MYO6: variants seen among roughly 807,000 people sequenced by gnomAD.
MYO6 encodes myosin VI.
Under a neutral mutation model 178.7 loss-of-function variants are expected in MYO6, and 74 were observed. The observed-to-expected ratio is 0.41, with a 90% CI of 0.34 to 0.50. The LOEUF (loss-of-function observed/expected upper bound fraction) is 0.50. Among genes scored for constraint, MYO6 ranks in the 20% least tolerant of loss-of-function variants. The pLI, the probability that MYO6 is intolerant of heterozygous loss-of-function variation, is 0.09. For synonymous variants in MYO6, 477 were observed against 504.6 expected, an observed-to-expected ratio of 0.95 and a Z score of 0.73; for missense variants, 1,330 against 1,547.4, an observed-to-expected ratio of 0.86 and a Z score of 2.36.
chr6:75,863,711 C>A (rs565809139), intron 16 of MYO6, among the ~76,000 whole-genome samples: 11 of 151,998 alleles, frequency 7.2e-5, no homozygotes, highest in Admixed American at 3.9e-4. Flanking sequence ...GTCTCAATCT[C>A]TTGACCTCAT....
chr6:75,915,281 A>G lies in MYO6; in HGVS notation c.*269A>G, dbSNP rs1359270634. ...ACATGGGCATATTCTGATGTTTCTC[A>G]TCCTTTGCCAGAAGACTACCTTACA... On this transcript the variant is annotated 3_prime_UTR_variant, in exon 35 of 35. Transcript: ENST00000369977. 2.1e-6 allele frequency: 1 copy of G among 481,772 alleles called. No individual in the cohort carries two copies. The highest frequency in any genetic ancestry group is 3.8e-6 in the Non-Finnish European group (1 of 263,996). The allele number at this position is 481,772 out of a possible 1,614,324, so 29.8% of individuals were successfully genotyped here.
intron 29 of MYO6, 65 bp downstream of exon 29, chr6:75,895,325 A>C: frequency 1.6e-6 from 2 of 1,214,982 alleles, no homozygotes; most frequent in Admixed American, 1.8e-5. Flanking sequence ...TAGTTTTCTC[A>C]TTGGAGTAAA....
chr6:75,857,526 A>G (rs532621223), intron 13 of MYO6, among the ~76,000 whole-genome samples: 18 of 152,214 alleles, frequency 1.2e-4, no homozygotes, highest in Non-Finnish European at 2.4e-4. Flanking sequence ...TATACTCTAA[A>G]AGGAATACAA....
At chr6:75,847,943 A>C (rs12203091) in intron 10 of MYO6, among the ~76,000 whole-genome samples, 19,757 of 152,120 alleles carry the variant, frequency 0.13, 1,353 homozygotes, top group Non-Finnish European at 0.15. Flanking sequence ...TGGAATAATT[A>C]AATGAATATA....
At chr6:75,816,432 T>C (rs1039811150) in intron 1 of MYO6, among the ~76,000 whole-genome samples, 1 of 152,250 alleles carries the variant, frequency 6.6e-6, no homozygotes, top group African/African-American at 2.4e-5. Flanking sequence ...CATAGCTCAC[T>C]GTAGCCTCAA....
chr6:75,855,030 T>C, intron 11 of MYO6, 109 bp from the exon 12 acceptor site: 1 of 972,474 alleles, frequency 1.0e-6, no homozygotes, highest in East Asian at 2.6e-5. Flanking sequence ...CAAATAAGCC[T>C]TGCCTATTAT....
At chr6:75,864,069 TAAC>T (rs553965864) in intron 16 of MYO6, among the ~76,000 whole-genome samples, 13 of 151,912 alleles carry the variant, frequency 8.6e-5, no homozygotes, top group African/African-American at 2.2e-4. Flanking sequence ...ACAACATCAT[TAAC>T]AACAACAACA....
chr6:75,852,248 A>G (rs1333253923), intron 11 of MYO6, among the ~76,000 whole-genome samples: 1 of 152,194 alleles, frequency 6.6e-6, no homozygotes, highest in Non-Finnish European at 1.5e-5. Context: ...GGCAATATGT[A>G]TATGTATAGA....
intron 1 of MYO6, among the ~76,000 whole-genome samples, chr6:75,799,219 A>G (rs962847428): frequency 7.2e-5 from 11 of 151,986 alleles, no homozygotes; most frequent in Admixed American, 4.6e-4. Flanking sequence ...GTGAAACCCC[A>G]TCTCTACTAA....
intron 18 of MYO6, 100 bp downstream of exon 18, chr6:75,867,205 G>A: frequency 9.8e-7 from 1 of 1,025,098 alleles, no homozygotes; most frequent in Non-Finnish European, 1.4e-6. Context: ...AAATCTCACA[G>A]TGAAGTTCAA....
intron 1 of MYO6, among the ~76,000 whole-genome samples, chr6:75,783,596 C>T (rs116543595): frequency 3.3e-5 from 5 of 150,198 alleles, no homozygotes; most frequent in African/African-American, 1.2e-4. Context: ...TCCCACTTAC[C>T]TCAGTAATGT....
intron 1 of MYO6, among the ~76,000 whole-genome samples, chr6:75,754,519 CAA>C (rs58162315): frequency 4.5e-5 from 2 of 44,180 alleles, no homozygotes; most frequent in African/African-American, 2.7e-4. Context: ...GACTCCGTCT[CAA>C]AAAAAAAAAA....
chr6:75,895,375 C>A (rs1779213489), intron 29 of MYO6, 115 bp downstream of exon 29: 1 of 828,922 alleles, frequency 1.2e-6, no homozygotes, highest in Non-Finnish European at 2.0e-6. Context: ...AATGAGATAA[C>A]CTTTTTCATA....
chr6:75,817,789 T>C, intron 2 of MYO6, 125 bp downstream of exon 2: 1 of 852,854 alleles, frequency 1.2e-6, no homozygotes, highest in Non-Finnish European at 1.9e-6. Context: ...GGTAAGTGAG[T>C]CTGTTTTCTC....
At chr6:75,760,877 A>T (rs752764957) in intron 1 of MYO6, among the ~76,000 whole-genome samples, 1 of 151,934 alleles carries the variant, frequency 6.6e-6, no homozygotes, top group Non-Finnish European at 1.5e-5. Flanking sequence ...TAGTTTTTCC[A>T]TGTTGTATTC....
At chr6:75,793,414 G>A (rs146569033) in intron 1 of MYO6, among the ~76,000 whole-genome samples, 6,347 of 152,130 alleles carry the variant, frequency 0.042, 205 homozygotes, top group Non-Finnish European at 0.059. Flanking sequence ...GATCAGCCTG[G>A]CCAACATGGT....
intron 31 of MYO6, among the ~76,000 whole-genome samples, chr6:75,907,933 A>G (rs1780465126): frequency 6.6e-6 from 1 of 152,170 alleles, no homozygotes; most frequent in South Asian, 2.1e-4. Context: ...CCCACAGAAC[A>G]ATTAGAGTAA....
intron 30 of MYO6, among the ~76,000 whole-genome samples, chr6:75,905,297 A>G (rs1048740200): frequency 6.6e-6 from 1 of 152,188 alleles, no homozygotes; most frequent in African/African-American, 2.4e-5. Flanking sequence ...AAGCCTGGGC[A>G]ATGGCGGGCG....
At chr6:75,872,498 A>C (rs941234479) in intron 19 of MYO6, among the ~76,000 whole-genome samples, 7 of 152,202 alleles carry the variant, frequency 4.6e-5, no homozygotes. Flanking sequence ...TAAGGGGCAT[A>C]ATTTTATTTA....
Sources: allele counts gnomAD v4.1 joint callset (sites outside exome capture counted in the v4.1 genomes callset), GRCh38; gene constraint gnomAD v4.1.1; transcripts MANE v1.5; gene names NCBI Gene and HGNC (gene_info 2026-07-23, HGNC 2026-07-21).